The following VEPH1 variants were observed in gnomAD, a reference collection of about 807,000 sequenced individuals.
VEPH1 encodes ventricular zone-expressed PH domain-containing protein homolog 1.
In VEPH1, 80 loss-of-function variants were observed where a neutral mutation model predicts 85.2. The ratio of observed to expected loss-of-function variants is 0.94; its 90% CI spans 0.78 to 1.13. The LOEUF (loss-of-function observed/expected upper bound fraction) is 1.13. VEPH1 is among the 50% of genes most tolerant of loss of function. The pLI is 0.00. For synonymous variants in VEPH1, 297 were observed against 348.0 expected, an observed-to-expected ratio of 0.85 and a Z score of 1.63; for missense variants, 955 against 980.5, an observed-to-expected ratio of 0.97 and a Z score of 0.35.
At position 157,363,501 on chromosome 3, in the gene VEPH1, G is replaced by C. The variant is rs1412622952; in HGVS notation, c.1598C>G (p.Thr533Ser). 3 of 1,614,058 alleles carry C rather than the reference G, an allele frequency of 1.9e-6. No individual in the cohort carries two copies. The highest frequency in any genetic ancestry group is 2.5e-6 in the Non-Finnish European group (3 of 1,179,994). The change falls in exon 9 of 14, where the codon ACT (threonine) becomes AGT (serine). Residue 533 changes from threonine to serine, a missense_variant. Coordinates refer to ENST00000362010, the MANE Select transcript of VEPH1 (RefSeq NM_001167912.2). ...ETVKENSQEE[T>S]PETTASPIEY... Reference sequence around the variant, plus strand: ...TATAGGACTTGCAGTTGTCTCTGGAGTTTCTTCCTGGGAGTTTTCTTTAAC... The same window carrying C: ...TATAGGACTTGCAGTTGTCTCTGGACTTTCTTCCTGGGAGTTTTCTTTAAC...
At chr3:157,311,054 C>T (rs1269999399) in intron 11 of VEPH1, among the ~76,000 whole-genome samples, 1 of 152,190 alleles carries the variant, frequency 6.6e-6, no homozygotes, top group Non-Finnish European at 1.5e-5. Flanking sequence ...TAAACTTCTT[C>T]AATTGATATG....
intron 2 of VEPH1, among the ~76,000 whole-genome samples, chr3:157,492,204 A>G (rs1368237548): frequency 6.6e-6 from 1 of 152,186 alleles, no homozygotes; most frequent in Non-Finnish European, 1.5e-5. Flanking sequence ...TGTGATTGTC[A>G]TGGAGGAGGA....
intron 11 of VEPH1, among the ~76,000 whole-genome samples, chr3:157,305,470 C>A (rs1310299342): frequency 6.6e-6 from 1 of 152,072 alleles, no homozygotes; most frequent in Non-Finnish European, 1.5e-5. Flanking sequence ...AAAAAATATT[C>A]TTTTATATGG....
intron 4 of VEPH1, among the ~76,000 whole-genome samples, chr3:157,449,228 A>G (rs1734771753): frequency 1.3e-5 from 2 of 152,172 alleles, no homozygotes; most frequent in African/African-American, 4.8e-5. Context: ...GTATAATTTT[A>G]GTTTAGTTGT....
intron 2 of VEPH1, among the ~76,000 whole-genome samples, chr3:157,474,967 T>G (rs1359821127): frequency 2.0e-5 from 3 of 152,046 alleles, no homozygotes; most frequent in African/African-American, 7.2e-5. Context: ...ATCTTTTTAT[T>G]TTAGATTTTC....
chr3:157,502,859 T>C (rs556850995), intron 1 of VEPH1, among the ~76,000 whole-genome samples: 1 of 152,342 alleles, frequency 6.6e-6, no homozygotes, highest in East Asian at 1.9e-4. Flanking sequence ...GTAATGATGC[T>C]ATAATATTTA....
At chr3:157,330,951 T>G (rs1722432591) in intron 9 of VEPH1, among the ~76,000 whole-genome samples, 1 of 152,212 alleles carries the variant, frequency 6.6e-6, no homozygotes, top group Non-Finnish European at 1.5e-5. Context: ...CCCATCCTTT[T>G]GTTGGAATAG....
rs1313838169 is a variant in VEPH1, at chr3:157,369,761, AAG to A, written c.1128-5251_1128-5250del. On this transcript the variant is annotated intron_variant, in intron 7 of 13. Transcript: ENST00000362010. Reference sequence around the variant, plus strand: ...TTTAAAATTTAATATAAAAAGATAGAAGTATTTTGTTCGAAACAAAGTTTTTG... The same window carrying A: ...TTTAAAATTTAATATAAAAAGATAGATATTTTGTTCGAAACAAAGTTTTTG... Among the ~76,000 whole-genome samples, 6 of 152,218 alleles carry A rather than the reference AAG, an allele frequency of 3.9e-5. No homozygotes were observed. The East Asian group carries it at 9.6e-4, about 24-fold the overall frequency.
intron 2 of VEPH1, among the ~76,000 whole-genome samples, chr3:157,484,359 G>C (rs933014400): frequency 3.3e-5 from 5 of 152,088 alleles, no homozygotes; most frequent in Non-Finnish European, 5.9e-5. Flanking sequence ...TGGCTCCTCA[G>C]AGGTGCAATT....
chr3:157,284,290 C>T (rs866705186), intron 12 of VEPH1, among the ~76,000 whole-genome samples: 3 of 152,108 alleles, frequency 2.0e-5, no homozygotes, highest in Admixed American at 1.3e-4. Flanking sequence ...TTTTCGAATA[C>T]ACCTTTTGGC....
intron 2 of VEPH1, among the ~76,000 whole-genome samples, chr3:157,486,913 T>C: frequency 6.6e-6 from 1 of 152,126 alleles, no homozygotes; most frequent in East Asian, 1.9e-4. Flanking sequence ...TAAAACTAAC[T>C]TCTAAATTAC....
intron 6 of VEPH1, 168 bp downstream of exon 6, chr3:157,413,711 ATG>A: frequency 2.1e-6 from 2 of 954,276 alleles, no homozygotes; most frequent in Non-Finnish European, 2.5e-6. Flanking sequence ...ACAAATTTGT[ATG>A]TCATAGAACT....
chr3:157,482,360 A>C (rs560499800), intron 2 of VEPH1, among the ~76,000 whole-genome samples: 3 of 152,046 alleles, frequency 2.0e-5, no homozygotes, highest in Non-Finnish European at 4.4e-5. Context: ...AAATAGCTGG[A>C]ACCACAGGCA....
chr3:157,279,024 A>G (rs975941503), intron 12 of VEPH1, among the ~76,000 whole-genome samples: 7 of 152,186 alleles, frequency 4.6e-5, no homozygotes, highest in Admixed American at 3.9e-4. Flanking sequence ...CTTAAAAAAT[A>G]AAACAAAATA....
At chr3:157,484,893 A>G (rs971893562) in intron 2 of VEPH1, among the ~76,000 whole-genome samples, 3 of 152,200 alleles carry the variant, frequency 2.0e-5, no homozygotes, top group Non-Finnish European at 2.9e-5. Context: ...TTAATTGAGC[A>G]TACTAGACTC....
At chr3:157,398,059 A>G (rs1201146071) in intron 6 of VEPH1, among the ~76,000 whole-genome samples, 4 of 152,198 alleles carry the variant, frequency 2.6e-5, no homozygotes, top group Admixed American at 2.6e-4. Flanking sequence ...CCATAGGTAC[A>G]GGCTGGGAGA....
chr3:157,428,239 G>A, intron 5 of VEPH1, 83 bp downstream of exon 5: 12 of 1,426,010 alleles, frequency 8.4e-6, no homozygotes, highest in Non-Finnish European at 1.1e-5. Context: ...TATGAGACAG[G>A]AAATCCTAAG....
intron 4 of VEPH1, among the ~76,000 whole-genome samples, chr3:157,429,494 G>A (rs1005833804): frequency 6.6e-6 from 1 of 152,024 alleles, no homozygotes; most frequent in Non-Finnish European, 1.5e-5. Context: ...GCGTGATTCT[G>A]GATAAAACTG....
intron 4 of VEPH1, among the ~76,000 whole-genome samples, chr3:157,438,906 C>T (rs1733895985): frequency 6.6e-6 from 1 of 152,150 alleles, no homozygotes; most frequent in Non-Finnish European, 1.5e-5. Flanking sequence ...TTGCACTTTT[C>T]CTGAGAATCC....
Sources: gnomAD v4.1 joint callset for allele counts (sites outside exome capture counted in the v4.1 genomes callset) on GRCh38, gnomAD v4.1.1 for gene constraint, MANE v1.5 for transcripts, NCBI Gene and HGNC (gene_info 2026-07-23, HGNC 2026-07-21) for gene names.